Variants in AP3B1 observed in about 807,000 individuals in gnomAD.
AP3B1 encodes AP-3 complex subunit beta-1.
In AP3B1, 61 loss-of-function variants were observed where a neutral mutation model predicts 132.5. The observed-to-expected ratio is 0.46, with a 90% CI of 0.37 to 0.57. The LOEUF (loss-of-function observed/expected upper bound fraction) is 0.57, where lower values mean the gene tolerates loss of function less well. AP3B1 is among the 20% of genes least tolerant of loss of function. The pLI is 0.00. For synonymous variants in AP3B1, 388 were observed against 438.3 expected (o/e 0.89, Z 1.43); for missense variants, 1,120 against 1,289.4 (o/e 0.87, Z 2.01).
intron 15 of AP3B1, among the ~76,000 whole-genome samples, chr5:78,135,290 C>G (rs932057782): frequency 3.7e-4 from 57 of 152,256 alleles, no homozygotes; most frequent in Admixed American, 2.0e-4. Context: ...CTACACATAT[C>G]CATATTTCAA....
chr5:78,259,347 A>G (rs1394175573), intron 2 of AP3B1, among the ~76,000 whole-genome samples: 2 of 152,126 alleles, frequency 1.3e-5, no homozygotes, highest in African/African-American at 4.8e-5. Context: ...CATAGAGAGT[A>G]GAAGGATGGT....
chr5:78,246,892 A>T (rs1747400159), intron 2 of AP3B1, among the ~76,000 whole-genome samples: 2 of 151,880 alleles, frequency 1.3e-5, no homozygotes. Context: ...TATTTCTGCT[A>T]TGTTAAGGTA....
chr5:78,202,252 T>C (rs1197583178), intron 7 of AP3B1, among the ~76,000 whole-genome samples: 1 of 152,150 alleles, frequency 6.6e-6, no homozygotes, highest in African/African-American at 2.4e-5. Flanking sequence ...CTTTTTCTTT[T>C]GTAAATTGCC....
At chr5:78,121,574 C>G (rs1332427485) in intron 17 of AP3B1, 1 of 152,206 alleles carries the variant, frequency 6.6e-6, no homozygotes, top group African/African-American at 2.4e-5. Context: ...CATCTCTACG[C>G]AAATAAACTA....
intron 17 of AP3B1, among the ~76,000 whole-genome samples, chr5:78,126,211 G>GT (rs891698113): frequency 3.3e-5 from 5 of 151,830 alleles, no homozygotes; most frequent in African/African-American, 1.2e-4. Context: ...CTGATCAAAA[G>GT]TTGCACAAAT....
chr5:78,087,883 G>A (rs1260669427), intron 22 of AP3B1, among the ~76,000 whole-genome samples: 1 of 152,176 alleles, frequency 6.6e-6, no homozygotes, highest in Non-Finnish European at 1.5e-5. Context: ...TAATGACAAT[G>A]TGTCAGTCAC....
chr5:78,131,668 C>CA (rs1309744179), intron 15 of AP3B1, among the ~76,000 whole-genome samples: 7 of 152,048 alleles, frequency 4.6e-5, no homozygotes. Context: ...TAATTAAAAA[C>CA]AGGTGCTCCA....
chr5:78,058,378 T>C (rs1479581222), intron 22 of AP3B1, among the ~76,000 whole-genome samples: 2 of 151,984 alleles, frequency 1.3e-5, no homozygotes, highest in Non-Finnish European at 2.9e-5. Context: ...CAGGCACCTG[T>C]AACCCCAGCT....
At chr5:78,093,755 C>T (rs890091391) in intron 21 of AP3B1, among the ~76,000 whole-genome samples, 1 of 152,204 alleles carries the variant, frequency 6.6e-6, no homozygotes, top group African/African-American at 2.4e-5. Context: ...ATGTGTTAGG[C>T]ACAGTTCTAA....
intron 6 of AP3B1, among the ~76,000 whole-genome samples, chr5:78,221,898 T>C (rs1225521707): frequency 6.6e-6 from 1 of 152,194 alleles, no homozygotes; most frequent in Non-Finnish European, 1.5e-5. Context: ...GCAAAAGTAC[T>C]ATATTTCAAA....
intron 23 of AP3B1, among the ~76,000 whole-genome samples, chr5:78,038,568 T>C (rs1290708630): frequency 6.6e-6 from 1 of 152,232 alleles, no homozygotes; most frequent in African/African-American, 2.4e-5. Context: ...GTCTATATCC[T>C]CTCAGTCTTC....
intron 11 of AP3B1, among the ~76,000 whole-genome samples, chr5:78,166,117 T>TCACACA (rs70997970): frequency 3.7e-5 from 5 of 135,838 alleles, no homozygotes; most frequent in African/African-American, 1.4e-4. Context: ...TGAAACTCTG[T>TCACACA]CACACACACA....
chr5:78,162,530 G>T (rs1409251550), intron 13 of AP3B1, among the ~76,000 whole-genome samples: 1 of 151,914 alleles, frequency 6.6e-6, no homozygotes, highest in Admixed American at 6.6e-5. Flanking sequence ...AGGTGGAAAA[G>T]ATACAATCAA....
At chr5:78,033,897 A>T (rs1380136448) in intron 24 of AP3B1, among the ~76,000 whole-genome samples, 2 of 151,848 alleles carry the variant, frequency 1.3e-5, no homozygotes, top group East Asian at 3.8e-4. Context: ...GAAAAAAAAA[A>T]TGTGTGAGTT....
intron 25 of AP3B1, among the ~76,000 whole-genome samples, chr5:78,020,478 A>G (rs1747043669): frequency 6.6e-6 from 1 of 152,186 alleles, no homozygotes; most frequent in South Asian, 2.1e-4. Flanking sequence ...TGTATCATTT[A>G]AAGACATATT....
In AP3B1 at chr5:78,034,266, G is replaced by T. The variant is rs1339247474; in HGVS notation, c.2894+95C>A. 1.5e-5 allele frequency: 14 copies of T among 922,804 alleles called. No individual in the cohort carries two copies. The South Asian group carries it at 1.9e-4, about 12-fold the overall frequency. 57.2% of individuals were successfully genotyped at this position (922,804 alleles called of 1,614,324 possible). ...CAAAACATATTTGTTTAAATGTTTTGTCTTTCACACACACACAAAAGCTGT... is the reference window on the plus strand; with the variant it reads ...CAAAACATATTTGTTTAAATGTTTTTTCTTTCACACACACACAAAAGCTGT... On this transcript the variant is annotated intron_variant, in intron 24 of 26. Transcript: ENST00000255194.
At chr5:78,151,398 AC>A (rs1305474694) in intron 14 of AP3B1, among the ~76,000 whole-genome samples, 3 of 152,310 alleles carry the variant, frequency 2.0e-5, no homozygotes, top group Admixed American at 1.3e-4. Context: ...GACTTCCAGT[AC>A]TGTGTTGAAT....
intron 7 of AP3B1, among the ~76,000 whole-genome samples, chr5:78,196,974 C>T (rs996965066): frequency 6.6e-6 from 1 of 152,044 alleles, no homozygotes; most frequent in African/African-American, 2.4e-5. Flanking sequence ...CAGACAAAAT[C>T]CGAAGAATGT....
intron 18 of AP3B1, 122 bp downstream of exon 18, chr5:78,116,004 T>C (rs777157101): frequency 2.7e-6 from 2 of 749,528 alleles, no homozygotes; most frequent in Non-Finnish European, 4.7e-6. Flanking sequence ...AAAGGGATTA[T>C]TTTGATAATA....
Sources: allele counts gnomAD v4.1 joint callset (sites outside exome capture counted in the v4.1 genomes callset), GRCh38; gene constraint gnomAD v4.1.1; transcripts MANE v1.5; gene names NCBI Gene and HGNC (gene_info 2026-07-23, HGNC 2026-07-21).